SORCS1: variants seen among roughly 807,000 people sequenced by gnomAD.
SORCS1 encodes the protein sortilin related VPS10 domain containing receptor 1, also known as VPS10 domain-containing receptor SorCS1.
Under a neutral mutation model 146.1 loss-of-function variants are expected in SORCS1, and 60 were observed. The observed-to-expected ratio is 0.41, with a 90% CI of 0.33 to 0.51. The LOEUF (loss-of-function observed/expected upper bound fraction) is 0.51, where lower values mean the gene tolerates loss of function less well. Ranked by LOEUF, SORCS1 falls within the 20% of genes least tolerant of loss-of-function variation. The pLI is 0.21. For missense variants in SORCS1, 1,352 were observed against 1,487.6 expected, an observed-to-expected ratio of 0.91 and a Z score of 1.50; for synonymous variants, 637 against 584.0, an observed-to-expected ratio of 1.09 and a Z score of -1.31.
At chr10:106,799,592 A>T (rs556013395) in intron 3 of SORCS1, among the ~76,000 whole-genome samples, 1 of 152,360 alleles carries the variant, frequency 6.6e-6, no homozygotes, top group African/African-American at 2.4e-5. Context: ...ACAATTCTCA[A>T]AAAAAGACAT....
intron 3 of SORCS1, among the ~76,000 whole-genome samples, chr10:106,813,021 G>C (rs1026200196): frequency 6.6e-6 from 1 of 151,964 alleles, no homozygotes; most frequent in South Asian, 2.1e-4. Flanking sequence ...TGGTATCTAA[G>C]CAGATCCTTG....
At chr10:107,011,010 T>G (rs1410115254) in intron 1 of SORCS1, among the ~76,000 whole-genome samples, 14 of 152,158 alleles carry the variant, frequency 9.2e-5, no homozygotes, top group Admixed American at 9.2e-4. Context: ...TGCTGTAAGA[T>G]CTGCCTAGAC....
At chr10:107,065,715 T>G (rs574804567) in intron 1 of SORCS1, among the ~76,000 whole-genome samples, 15 of 152,126 alleles carry the variant, frequency 9.9e-5, no homozygotes, top group African/African-American at 3.4e-4. Context: ...ATGGGGTTTC[T>G]CTATGTTGCT....
chr10:106,646,494 G>A lies in SORCS1; in HGVS notation c.2475+5888C>T, dbSNP rs148623207. ...GAGGATCACTTGAGTTTAGGAGTTC[G>A]AGACGAGCCTGACCAACATGGTGAG... On this transcript the variant is annotated intron_variant, in intron 18 of 25. Transcript: ENST00000263054. Among the ~76,000 whole-genome samples the A allele has an allele frequency of 2.3e-3, 352 of 150,774 alleles. 3 individuals are homozygous for A. Among genetic ancestry groups the A allele is most frequent in the African/African-American group, 8.2e-3 (335 of 41,068 alleles).
intron 2 of SORCS1, among the ~76,000 whole-genome samples, chr10:106,938,444 G>A (rs1454211054): frequency 6.6e-6 from 1 of 152,186 alleles, no homozygotes; most frequent in Admixed American, 6.5e-5. Context: ...AGCAGAAGTG[G>A]CAAATTGATG....
chr10:107,085,884 T>A (rs1963720818), intron 1 of SORCS1, among the ~76,000 whole-genome samples: 1 of 152,168 alleles, frequency 6.6e-6, no homozygotes, highest in South Asian at 2.1e-4. Context: ...GTACAATCAC[T>A]CACAAAGCAA....
Position 106,672,924 on chromosome 10 carries a change from T to C in SORCS1, c.2002A>G (p.Ile668Val), listed in dbSNP as rs919431537. The C allele has an allele frequency of 3.7e-6, 6 of 1,613,996 alleles. No homozygotes were observed. The African/African-American group carries it at 6.7e-5, about 18-fold the overall frequency. The change falls in exon 15 of 26, where the codon ATT becomes GTT. Residue 668 changes from isoleucine to valine, a missense_variant. Transcript: ENST00000263054. ...TCTTCGGCACACCGTCTATCAAAAA[T>C]GGACTTGTAATCTACTTTGACCAGC... Reference protein sequence around the residue: ...WQLVKVDYKSIFDRRCAEEDY... With the variant: ...WQLVKVDYKSVFDRRCAEEDY...
At chr10:107,107,270 T>C (rs575694269) in intron 1 of SORCS1, among the ~76,000 whole-genome samples, 2 of 152,342 alleles carry the variant, frequency 1.3e-5, no homozygotes, top group East Asian at 3.8e-4. Flanking sequence ...AGCCTCAATC[T>C]TAGAAAATAC....
chr10:106,589,697 GAAA>G (rs1157873689), intron 24 of SORCS1, among the ~76,000 whole-genome samples: 2 of 55,764 alleles, frequency 3.6e-5, no homozygotes, highest in Non-Finnish European at 3.6e-5. Flanking sequence ...CTTTGACGAC[GAAA>G]AAAAAAAAAA....
At chr10:107,017,879 T>C (rs921144160) in intron 1 of SORCS1, among the ~76,000 whole-genome samples, 1 of 152,144 alleles carries the variant, frequency 6.6e-6, no homozygotes, top group African/African-American at 2.4e-5. Flanking sequence ...TTAGTCAGGC[T>C]AGTCTTGAAC....
chr10:106,591,506 C>A (rs114797490), intron 24 of SORCS1, among the ~76,000 whole-genome samples: 1 of 151,992 alleles, frequency 6.6e-6, no homozygotes, highest in Admixed American at 6.6e-5. Flanking sequence ...AGGTTAACTG[C>A]GGGAATGGGA....
intron 1 of SORCS1, among the ~76,000 whole-genome samples, chr10:107,144,753 C>A (rs147659529): frequency 1.3e-5 from 2 of 152,344 alleles, no homozygotes; most frequent in East Asian, 3.9e-4. Flanking sequence ...TCTCCCCCTT[C>A]GGCACAGCTT....
chr10:106,618,212 T>A lies in SORCS1; in HGVS notation c.2857A>T (p.Ile953Phe). The A allele has an allele frequency of 6.2e-7, 1 of 1,614,140 alleles. No individual in the cohort carries two copies. The change falls in exon 21 of 26, where the codon ATC becomes TTC. Residue 953 changes from isoleucine to phenylalanine, a missense_variant. Physicochemically the swap from Ile to Phe is conservative, Grantham distance 21 (BLOSUM62 0). Coordinates refer to ENST00000263054, the MANE Select transcript of SORCS1 (RefSeq NM_052918.5). The stretch of plus-strand genomic sequence containing the variant: ...TTCCCAGCTGAGACCTGCACTGTGA[T>A]GGTATTCATTCCTTCTGAAGTAAAT... ...FRFTSEGMNT[I>F]TVQVSAGNAI...
intron 2 of SORCS1, among the ~76,000 whole-genome samples, chr10:106,914,926 CAA>C (rs2138300771): frequency 1.3e-5 from 2 of 152,244 alleles, no homozygotes; most frequent in Admixed American, 1.3e-4. Context: ...GCTCAGTTTC[CAA>C]TCAGTGGTGC....
intron 3 of SORCS1, among the ~76,000 whole-genome samples, chr10:106,826,677 T>C (rs1300271968): frequency 6.6e-6 from 1 of 152,234 alleles, no homozygotes; most frequent in East Asian, 1.9e-4. Flanking sequence ...TGTGTACCAT[T>C]GTTAAGACGT....
chr10:106,653,067 C>G (rs973436317), intron 17 of SORCS1, among the ~76,000 whole-genome samples: 7 of 152,170 alleles, frequency 4.6e-5, no homozygotes, highest in African/African-American at 1.4e-4. Context: ...ACTGGCTAAA[C>G]TGGATATTTC....
chr10:107,143,631 G>T (rs987309918), intron 1 of SORCS1, among the ~76,000 whole-genome samples: 4 of 152,078 alleles, frequency 2.6e-5, no homozygotes, highest in Admixed American at 6.6e-5. Context: ...AGCCTCCTGA[G>T]TAGCTGGGAT....
intron 3 of SORCS1, among the ~76,000 whole-genome samples, chr10:106,807,460 T>C (rs544860097): frequency 6.6e-6 from 1 of 152,328 alleles, no homozygotes; most frequent in East Asian, 1.9e-4. Context: ...CTGCCCCTGC[T>C]TTTTGAGCTC....
chr10:106,779,895 A>C (rs1332796936), intron 3 of SORCS1, among the ~76,000 whole-genome samples: 1 of 152,202 alleles, frequency 6.6e-6, no homozygotes, highest in African/African-American at 2.4e-5. Context: ...AATTAATTAA[A>C]TTATGATTGT....
Sources: gnomAD v4.1 joint callset for allele counts (sites outside exome capture counted in the v4.1 genomes callset) on GRCh38, gnomAD v4.1.1 for gene constraint, MANE v1.5 for transcripts, NCBI Gene and HGNC (gene_info 2026-07-23, HGNC 2026-07-21) for gene names.